Variants in COL24A1 observed in about 807,000 individuals in gnomAD.
COL24A1 encodes the protein collagen type XXIV alpha 1 chain, also known as collagen alpha-1(XXIV) chain.
COL24A1 carries 224 observed loss-of-function variants against 253.9 expected under a neutral mutation model. The ratio of observed to expected loss-of-function variants is 0.88; its 90% CI spans 0.79 to 0.99. The LOEUF (loss-of-function observed/expected upper bound fraction) is 0.99, where lower values mean the gene tolerates loss of function less well. Ranked by LOEUF, COL24A1 falls within the 50% of genes least tolerant of loss-of-function variation. The pLI is 0.00. For missense variants in COL24A1, 2,131 were observed against 2,068.5 expected, an observed-to-expected ratio of 1.03 and a Z score of -0.59; for synonymous variants, 685 against 673.7, an observed-to-expected ratio of 1.02 and a Z score of -0.26.
intron 37 of COL24A1, among the ~76,000 whole-genome samples, chr1:85,850,296 A>C (rs1244619315): frequency 6.6e-6 from 1 of 152,194 alleles, no homozygotes; most frequent in African/African-American, 2.4e-5. Context: ...GAAATCTCAA[A>C]TTTGTGTCCC....
chr1:85,918,230 G>A lies in COL24A1; in HGVS notation c.2563-6797C>T, dbSNP rs142966548. ...ATAATGGGCATTCTTTTCTATTGCT[G>A]TTAACTTTTCTATCTAGAAAAGTTT... On this transcript the variant is annotated intron_variant, in intron 24 of 59. Transcript: ENST00000370571. Among the ~76,000 whole-genome samples, 7 of 150,202 alleles carry A rather than the reference G, an allele frequency of 4.7e-5. No individual in the cohort carries two copies. In the South Asian group the frequency reaches 6.3e-4, roughly 14 times the overall value.
intron 18 of COL24A1, among the ~76,000 whole-genome samples, chr1:86,019,797 G>T (rs1258820076): frequency 2.0e-5 from 3 of 152,008 alleles, no homozygotes; most frequent in Admixed American, 6.6e-5. Context: ...TGTAAAATGA[G>T]TAAGTAAAAG....
intron 7 of COL24A1, among the ~76,000 whole-genome samples, chr1:86,086,981 G>C (rs6665375): frequency 0.5 from 75,278 of 152,018 alleles, 19,660 homozygotes; most frequent in Non-Finnish European, 0.58. Flanking sequence ...ACGCTATTCT[G>C]AACTACTGTC....
At chr1:85,760,117 G>T (rs923758275) in intron 55 of COL24A1, among the ~76,000 whole-genome samples, 3 of 151,874 alleles carry the variant, frequency 2.0e-5, no homozygotes, top group Admixed American at 6.6e-5. Context: ...TGCTCTGCCA[G>T]GCTGGAGTGC....
At chr1:85,988,035 A>G (rs1374007104) in intron 19 of COL24A1, among the ~76,000 whole-genome samples, 2 of 151,604 alleles carry the variant, frequency 1.3e-5, no homozygotes, top group Admixed American at 6.6e-5. Flanking sequence ...TGGACTCACT[A>G]TTTACTAACT....
chr1:85,970,311 A>C, intron 21 of COL24A1, 40 bp from the exon 22 acceptor site: 1 of 1,510,288 alleles, frequency 6.6e-7, no homozygotes, highest in Admixed American at 2.2e-5. Flanking sequence ...ATGGCCTAAA[A>C]TGAGTATTTA....
intron 7 of COL24A1, among the ~76,000 whole-genome samples, chr1:86,083,313 T>A (rs1702811350): frequency 6.6e-6 from 1 of 150,890 alleles, no homozygotes; most frequent in Admixed American, 6.6e-5. Flanking sequence ...AATATATATA[T>A]ATAAATAAAT....
intron 19 of COL24A1, among the ~76,000 whole-genome samples, chr1:85,992,396 C>T (rs1033101794): frequency 9.2e-5 from 14 of 152,266 alleles, no homozygotes; most frequent in African/African-American, 2.6e-4. Flanking sequence ...TTTAAAAATT[C>T]ATACCTAGAT....
At chr1:85,761,350 GACAT>G in intron 55 of COL24A1, 42 bp downstream of exon 55, 1 of 1,602,418 alleles carries the variant, frequency 6.2e-7, no homozygotes, top group Non-Finnish European at 8.5e-7. Flanking sequence ...AAGTTAATAT[GACAT>G]ACTAAGATAA....
chr1:86,088,538 A>G (rs1703246167), intron 7 of COL24A1, among the ~76,000 whole-genome samples: 1 of 152,200 alleles, frequency 6.6e-6, no homozygotes, highest in African/African-American at 2.4e-5. Flanking sequence ...GATATATTTT[A>G]TAAAATAAAT....
intron 8 of COL24A1, among the ~76,000 whole-genome samples, chr1:86,059,631 A>T (rs151304179): frequency 1.3e-5 from 2 of 152,300 alleles, no homozygotes; most frequent in Non-Finnish European, 2.9e-5. Context: ...TTAACCTTAC[A>T]GTGAGTCTGA....
chr1:85,766,708 T>C (rs1481327825), intron 53 of COL24A1, among the ~76,000 whole-genome samples: 1 of 152,166 alleles, frequency 6.6e-6, no homozygotes, highest in Non-Finnish European at 1.5e-5. Context: ...CACTGAATCA[T>C]GCTTTGGTCA....
At chr1:86,073,428 G>A (rs960288178) in intron 7 of COL24A1, among the ~76,000 whole-genome samples, 1 of 152,128 alleles carries the variant, frequency 6.6e-6, no homozygotes, top group Admixed American at 6.6e-5. Context: ...AGAGAAAAAA[G>A]AATGAAAAGG....
chr1:85,882,201 G>C (rs1408957161), intron 32 of COL24A1, among the ~76,000 whole-genome samples: 1 of 152,122 alleles, frequency 6.6e-6, no homozygotes, highest in Non-Finnish European at 1.5e-5. Context: ...TTGTTGGCCG[G>C]GCGCAGTGGC....
intron 5 of COL24A1, among the ~76,000 whole-genome samples, chr1:86,103,328 T>G (rs184927019): frequency 1.3e-5 from 2 of 152,162 alleles, no homozygotes; most frequent in Non-Finnish European, 2.9e-5. Context: ...TTTTGGTTCT[T>G]TAGCCTGCCA....
chr1:85,834,023 G>C (rs1675697662), intron 43 of COL24A1, among the ~76,000 whole-genome samples: 1 of 150,960 alleles, frequency 6.6e-6, no homozygotes, highest in Admixed American at 6.6e-5. Flanking sequence ...GCTAAATGAT[G>C]AGTTAATGGG....
chr1:85,773,598 T>C (rs1481055480), intron 53 of COL24A1, among the ~76,000 whole-genome samples: 2 of 152,192 alleles, frequency 1.3e-5, no homozygotes, highest in Non-Finnish European at 2.9e-5. Flanking sequence ...CCCTTGTAAG[T>C]TGGATTCCTA....
At chr1:85,904,897 G>A (rs1283424499) in intron 28 of COL24A1, among the ~76,000 whole-genome samples, 2 of 152,150 alleles carry the variant, frequency 1.3e-5, no homozygotes, top group African/African-American at 4.8e-5. Context: ...TATTAATAGT[G>A]TTTGACAGGT....
At chr1:85,840,094 A>G (rs1200063883) in intron 42 of COL24A1, among the ~76,000 whole-genome samples, 5 of 152,158 alleles carry the variant, frequency 3.3e-5, no homozygotes, top group Admixed American at 3.3e-4. Context: ...TTGTGGTTTA[A>G]GTTTCATGCC....
Sources: allele counts gnomAD v4.1 joint callset (sites outside exome capture counted in the v4.1 genomes callset), GRCh38; gene constraint gnomAD v4.1.1; transcripts MANE v1.5; gene names NCBI Gene and HGNC (gene_info 2026-07-23, HGNC 2026-07-21).